Variants in ARHGAP10 observed in about 807,000 individuals in gnomAD.
ARHGAP10 encodes Rho GTPase activating protein 10.
ARHGAP10 carries 87 observed loss-of-function variants against 108.6 expected under a neutral mutation model. The ratio of observed to expected loss-of-function variants is 0.80; its 90% confidence interval spans 0.67 to 0.96. The LOEUF (loss-of-function observed/expected upper bound fraction) is 0.96. ARHGAP10 is among the 40% of genes least tolerant of loss of function. ARHGAP10 has a pLI of 0.00. For synonymous variants in ARHGAP10, 347 were observed against 341.1 expected (o/e 1.02, Z -0.19); for missense variants, 939 against 954.5 (o/e 0.98, Z 0.21).
chr4:148,063,404 GATACCCCC>G, intron 21 of ARHGAP10, 104 bp downstream of exon 21: 2 of 1,450,078 alleles, frequency 1.4e-6, no homozygotes, highest in Non-Finnish European at 1.9e-6. Flanking sequence ...AGCTTGCCCA[GATACCCCC>G]AGCATCCTGG....
chr4:147,926,179 G>A (rs1737453065), intron 13 of ARHGAP10, among the ~76,000 whole-genome samples: 1 of 152,156 alleles, frequency 6.6e-6, no homozygotes, highest in Non-Finnish European at 1.5e-5. Flanking sequence ...TCTTTCTGTA[G>A]GCTGTGGTGA....
chr4:147,827,994 T>C (rs1263410190), intron 3 of ARHGAP10, among the ~76,000 whole-genome samples: 1 of 152,098 alleles, frequency 6.6e-6, no homozygotes, highest in East Asian at 1.9e-4. Flanking sequence ...TTAGTAGAGA[T>C]GGGGTTTCAC....
At chr4:147,778,978 A>C (rs1286932523) in intron 1 of ARHGAP10, among the ~76,000 whole-genome samples, 2 of 152,252 alleles carry the variant, frequency 1.3e-5, no homozygotes, top group African/African-American at 2.4e-5. Flanking sequence ...AAAGGAAAGT[A>C]GAAATCATGA....
chr4:147,782,478 G>A (rs576535830), intron 1 of ARHGAP10: 14 of 152,198 alleles, frequency 9.2e-5, no homozygotes, highest in Admixed American at 7.2e-4. Context: ...AGAAAGAGTC[G>A]TCTTAACATC....
chr4:147,772,545 G>T (rs1202461134), intron 1 of ARHGAP10, among the ~76,000 whole-genome samples: 1 of 152,230 alleles, frequency 6.6e-6, no homozygotes, highest in East Asian at 1.9e-4. Flanking sequence ...GTGCCTTGTG[G>T]CGAGTGAACT....
intron 16 of ARHGAP10, 54 bp from the exon 17 acceptor site, chr4:147,964,970 C>G: frequency 3.2e-6 from 4 of 1,247,352 alleles, no homozygotes; most frequent in Non-Finnish European, 4.4e-6. Flanking sequence ...TCTCTATTAA[C>G]TATTGTTTTC....
At chr4:147,973,603 T>G (rs1193507333) in intron 18 of ARHGAP10, among the ~76,000 whole-genome samples, 1 of 152,238 alleles carries the variant, frequency 6.6e-6, no homozygotes, top group Non-Finnish European at 1.5e-5. Context: ...TCAGTCATCC[T>G]GTTGTGCTAT....
chr4:147,881,036 G>A (rs905830121), intron 9 of ARHGAP10, among the ~76,000 whole-genome samples: 6 of 152,240 alleles, frequency 3.9e-5, no homozygotes, highest in African/African-American at 1.2e-4. Flanking sequence ...CACTTTGGGA[G>A]GCCGAGGTGG....
intron 8 of ARHGAP10, among the ~76,000 whole-genome samples, 200 bp from the exon 9 acceptor site, chr4:147,879,032 A>T (rs150461065): frequency 7.4e-4 from 112 of 152,134 alleles, no homozygotes; most frequent in African/African-American, 2.6e-3. Flanking sequence ...GACCTCCCAA[A>T]GTGCTGGGAT....
chr4:147,835,059 G>A (rs1733112389), intron 3 of ARHGAP10, among the ~76,000 whole-genome samples: 1 of 152,068 alleles, frequency 6.6e-6, no homozygotes, highest in African/African-American at 2.4e-5. Flanking sequence ...ATGTAGAAAT[G>A]CTGTTCTTTA....
chr4:147,994,989 T>C (rs1286267822), intron 18 of ARHGAP10, among the ~76,000 whole-genome samples: 2 of 152,250 alleles, frequency 1.3e-5, no homozygotes, highest in African/African-American at 4.8e-5. Flanking sequence ...TTGTGTGTAA[T>C]CGTATTATTC....
intron 14 of ARHGAP10, chr4:147,946,409 C>T (rs1487853678): frequency 1.8e-5 from 8 of 440,214 alleles, no homozygotes; most frequent in African/African-American, 4.1e-5. Flanking sequence ...TTGCTTTGAT[C>T]TCTACTACAG....
chr4:147,757,587 C>CTT (rs1230951969), intron 1 of ARHGAP10, among the ~76,000 whole-genome samples: 2 of 152,214 alleles, frequency 1.3e-5, no homozygotes, highest in East Asian at 1.9e-4. Context: ...CCTTTACCAG[C>CTT]TTTCCATCTG....
At chr4:147,933,116 A>C (rs1032479617) in intron 13 of ARHGAP10, among the ~76,000 whole-genome samples, 1 of 151,998 alleles carries the variant, frequency 6.6e-6, no homozygotes, top group African/African-American at 2.4e-5. Flanking sequence ...ATCTTCTTTA[A>C]ATTTCTTTGA....
chr4:147,881,741 T>C, intron 9 of ARHGAP10, 97 bp from the exon 10 acceptor site: 1 of 996,482 alleles, frequency 1.0e-6, no homozygotes, highest in Admixed American at 2.2e-5. Context: ...GGACTTAAGA[T>C]CTTGAACCTT....
At chr4:147,997,966 AT>A (rs1463346915) in intron 18 of ARHGAP10, among the ~76,000 whole-genome samples, 4 of 152,210 alleles carry the variant, frequency 2.6e-5, no homozygotes, top group African/African-American at 9.6e-5. Context: ...TCTAGAAAAA[AT>A]ATTACAAAAA....
At chr4:147,914,940 C>T (rs1399776161) in intron 13 of ARHGAP10, among the ~76,000 whole-genome samples, 1 of 152,094 alleles carries the variant, frequency 6.6e-6, no homozygotes, top group East Asian at 1.9e-4. Context: ...CATTGCAAAA[C>T]AGGCTATTTC....
intron 1 of ARHGAP10, among the ~76,000 whole-genome samples, chr4:147,757,180 A>G (rs912136395): frequency 2.0e-5 from 3 of 150,344 alleles, no homozygotes; most frequent in Non-Finnish European, 3.0e-5. Flanking sequence ...GGAACACAGG[A>G]CAGTCTAGCC....
At chr4:147,893,983 A>C (rs1735892169) in intron 10 of ARHGAP10, among the ~76,000 whole-genome samples, 1 of 152,198 alleles carries the variant, frequency 6.6e-6, no homozygotes, top group South Asian at 2.1e-4. Context: ...ATCTGAATTG[A>C]CATTAATATG....
Sources: allele counts gnomAD v4.1 joint callset (sites outside exome capture counted in the v4.1 genomes callset), GRCh38; gene constraint gnomAD v4.1.1; transcripts MANE v1.5; gene names NCBI Gene and HGNC (gene_info 2026-07-23, HGNC 2026-07-21).